The following EPHA3 variants were observed in gnomAD, a reference collection of about 807,000 sequenced individuals.
EPHA3 encodes EPH receptor A3, also known as ephrin type-A receptor 3.
In EPHA3, 42 loss-of-function variants were observed where a neutral mutation model predicts 107.1. The ratio of observed to expected loss-of-function variants is 0.39; its 90% CI spans 0.31 to 0.51. The LOEUF (loss-of-function observed/expected upper bound fraction) is 0.51. Ranked by LOEUF, EPHA3 falls within the 20% of genes least tolerant of loss-of-function variation. The pLI is 0.78. For missense variants in EPHA3, 1,183 were observed against 1,211.2 expected (o/e 0.98, Z 0.35); for synonymous variants, 461 against 424.8 (o/e 1.09, Z -1.05).
intron 13 of EPHA3, among the ~76,000 whole-genome samples, chr3:89,434,706 C>T (rs908926319): frequency 2.0e-5 from 3 of 152,130 alleles, no homozygotes; most frequent in Non-Finnish European, 2.9e-5. Flanking sequence ...TTTGTCAGGG[C>T]CTCTTTAGTG....
At chr3:89,418,175 A>C (rs917756435) in intron 10 of EPHA3, among the ~76,000 whole-genome samples, 14 of 151,448 alleles carry the variant, frequency 9.2e-5, no homozygotes, top group African/African-American at 3.4e-4. Flanking sequence ...AGAGCCAAAA[A>C]TTAATCATAT....
At chr3:89,251,766 C>T (rs1705171938) in intron 3 of EPHA3, among the ~76,000 whole-genome samples, 1 of 151,950 alleles carries the variant, frequency 6.6e-6, no homozygotes, top group East Asian at 1.9e-4. Flanking sequence ...TTGCTTTACT[C>T]CTAGGATGTG....
intron 2 of EPHA3, among the ~76,000 whole-genome samples, chr3:89,203,835 A>T (rs879729297): frequency 6.6e-6 from 1 of 152,118 alleles, no homozygotes; most frequent in Non-Finnish European, 1.5e-5. Flanking sequence ...TAAAGCTCCT[A>T]GAAGAGTGGA....
intron 3 of EPHA3, among the ~76,000 whole-genome samples, chr3:89,219,482 T>G (rs957172582): frequency 6.6e-5 from 10 of 151,074 alleles, no homozygotes; most frequent in African/African-American, 2.4e-4. Flanking sequence ...AATTTATGAG[T>G]GTCTGCTATA....
chr3:89,414,424 C>T (rs1196586894), intron 10 of EPHA3, among the ~76,000 whole-genome samples: 1 of 151,630 alleles, frequency 6.6e-6, no homozygotes, highest in East Asian at 1.9e-4. Flanking sequence ...TAAACATATT[C>T]GCTGTACATC....
chr3:89,164,744 G>C (rs1173708701), intron 2 of EPHA3, among the ~76,000 whole-genome samples: 1 of 152,128 alleles, frequency 6.6e-6, no homozygotes, highest in Non-Finnish European at 1.5e-5. Context: ...TTACTCTCTA[G>C]AGAGCATACA....
At chr3:89,470,500 T>A (rs1384649773) in intron 15 of EPHA3, among the ~76,000 whole-genome samples, 3 of 152,180 alleles carry the variant, frequency 2.0e-5, no homozygotes, top group Non-Finnish European at 2.9e-5. Flanking sequence ...TTGTGTGAAA[T>A]TGATATCCTC....
At chr3:89,270,833 A>C (rs1380933532) in intron 3 of EPHA3, among the ~76,000 whole-genome samples, 1 of 152,132 alleles carries the variant, frequency 6.6e-6, no homozygotes, top group Non-Finnish European at 1.5e-5. Flanking sequence ...GCTACATATA[A>C]AGTAAACTAG....
At chr3:89,363,202 A>G (rs908603703) in intron 5 of EPHA3, among the ~76,000 whole-genome samples, 1 of 150,768 alleles carries the variant, frequency 6.6e-6, no homozygotes, top group Non-Finnish European at 1.5e-5. Flanking sequence ...TGAGAGAGAG[A>G]TAGAGAGGGG....
chr3:89,472,203 T>G (rs1378608345), intron 15 of EPHA3, among the ~76,000 whole-genome samples: 1 of 152,220 alleles, frequency 6.6e-6, no homozygotes, highest in Admixed American at 6.5e-5. Flanking sequence ...ATGGATATAT[T>G]TATGTCTTTC....
In EPHA3 at chr3:89,117,273, A is replaced by G. The variant is rs1168131315; in HGVS notation, c.88+9437A>G. Among the ~76,000 whole-genome samples, 8 of 152,190 alleles carry G rather than the reference A, an allele frequency of 5.3e-5. No individual in the cohort carries two copies. The East Asian group carries it at 1.5e-3, about 29-fold the overall frequency. Reference sequence around the variant, plus strand: ...GCCTCATGTAAGACTTTAAAATTTTACTTTTTGCCTATGATAAAGTTGATT... The same window carrying G: ...GCCTCATGTAAGACTTTAAAATTTTGCTTTTTGCCTATGATAAAGTTGATT... On this transcript the variant is annotated intron_variant, in intron 1 of 16. Transcript: ENST00000336596.
intron 3 of EPHA3, among the ~76,000 whole-genome samples, chr3:89,235,537 A>G (rs1704738611): frequency 6.6e-6 from 1 of 152,018 alleles, no homozygotes; most frequent in Non-Finnish European, 1.5e-5. Flanking sequence ...CTTCATATGC[A>G]TGTAAGAGTG....
At chr3:89,161,359 T>C (rs1454016926) in intron 2 of EPHA3, among the ~76,000 whole-genome samples, 2 of 152,328 alleles carry the variant, frequency 1.3e-5, no homozygotes, top group East Asian at 1.9e-4. Flanking sequence ...GTATTAGTTA[T>C]GTGGTTATAT....
chr3:89,161,333 C>T (rs1181117434), intron 2 of EPHA3, among the ~76,000 whole-genome samples: 2 of 152,156 alleles, frequency 1.3e-5, no homozygotes, highest in African/African-American at 4.8e-5. Flanking sequence ...TTTCTCCTCT[C>T]TCAAAGCCAT....
chr3:89,195,452 G>A (rs1705817165), intron 2 of EPHA3, among the ~76,000 whole-genome samples: 1 of 152,164 alleles, frequency 6.6e-6, no homozygotes, highest in African/African-American at 2.4e-5. Context: ...CTGCAGCACA[G>A]GGTTTTCAAG....
intron 6 of EPHA3, 128 bp from the exon 7 acceptor site, chr3:89,399,190 C>A: frequency 2.2e-6 from 2 of 889,162 alleles, no homozygotes; most frequent in Non-Finnish European, 3.2e-6. Flanking sequence ...ATCGATATGA[C>A]TTTTTAAATC....
chr3:89,333,126 C>A (rs1166994898), intron 3 of EPHA3, among the ~76,000 whole-genome samples: 16 of 152,114 alleles, frequency 1.1e-4, no homozygotes, highest in Admixed American at 1.0e-3. Context: ...GGGAATGAGG[C>A]CAAGATTCTA....
intron 3 of EPHA3, among the ~76,000 whole-genome samples, chr3:89,212,427 C>G (rs1704123800): frequency 6.6e-6 from 1 of 151,906 alleles, no homozygotes; most frequent in South Asian, 2.1e-4. Context: ...CATACTAAAA[C>G]TGAGTCATCT....
chr3:89,143,114 A>C (rs1704467298), intron 2 of EPHA3, among the ~76,000 whole-genome samples: 1 of 151,398 alleles, frequency 6.6e-6, no homozygotes, highest in South Asian at 2.1e-4. Context: ...TTATATTTAT[A>C]AAATCTTTAA....
Sources: allele counts gnomAD v4.1 joint callset (sites outside exome capture counted in the v4.1 genomes callset), GRCh38; gene constraint gnomAD v4.1.1; transcripts MANE v1.5; gene names NCBI Gene and HGNC (gene_info 2026-07-23, HGNC 2026-07-21).